The following TSHZ1 variants were observed in gnomAD, a reference collection of about 807,000 sequenced individuals.
TSHZ1 encodes the protein teashirt homolog 1.
In TSHZ1, 12 loss-of-function variants were observed where a neutral mutation model predicts 67.1. The observed-to-expected ratio is 0.18, with a 90% CI of 0.11 to 0.29. TSHZ1 has a LOEUF of 0.29. TSHZ1 is among the 10% of genes least tolerant of loss of function. The pLI is 1.00. For synonymous variants in TSHZ1, 632 were observed against 622.4 expected (o/e 1.02, Z -0.23); for missense variants, 1,305 against 1,413.9 (o/e 0.92, Z 1.23).
chr18:75,220,312 C>CT (rs1290907082), intron 1 of TSHZ1, among the ~76,000 whole-genome samples: 1 of 152,118 alleles, frequency 6.6e-6, no homozygotes, highest in Non-Finnish European at 1.5e-5. Context: ...TGAACCGACT[C>CT]TTTTTTTACA....
At chr18:75,278,748 T>C (rs1427453672) in intron 1 of TSHZ1, among the ~76,000 whole-genome samples, 2 of 152,124 alleles carry the variant, frequency 1.3e-5, no homozygotes, top group Non-Finnish European at 2.9e-5. Flanking sequence ...CCTCCAGTGC[T>C]GGCTGCTGGA....
intron 1 of TSHZ1, among the ~76,000 whole-genome samples, chr18:75,238,188 G>A (rs983800187): frequency 1.3e-5 from 2 of 152,174 alleles, no homozygotes; most frequent in South Asian, 2.1e-4. Flanking sequence ...AGCCTTGCAC[G>A]TGACAGATGG....
chr18:75,274,460 A>G (rs569577798), intron 1 of TSHZ1, among the ~76,000 whole-genome samples: 1 of 152,228 alleles, frequency 6.6e-6, no homozygotes, highest in Non-Finnish European at 1.5e-5. Context: ...CTTTTAGTCT[A>G]AAAGATTGTA....
chr18:75,260,130 G>A (rs1032835196), intron 1 of TSHZ1, among the ~76,000 whole-genome samples: 3 of 152,240 alleles, frequency 2.0e-5, no homozygotes. Context: ...ACGAATGAGG[G>A]CAGGCCTGGC....
At chr18:75,234,448 C>A (rs1183800885) in intron 1 of TSHZ1, among the ~76,000 whole-genome samples, 1 of 152,122 alleles carries the variant, frequency 6.6e-6, no homozygotes, top group African/African-American at 2.4e-5. Context: ...TAATATTTTG[C>A]AGCATTTTGT....
Position 75,217,073 on chromosome 18 carries a change from G to A in TSHZ1, c.40+5157G>A, listed in dbSNP as rs147008884. Among the ~76,000 whole-genome samples, 1,296 of 152,350 alleles carry A rather than the reference G, an allele frequency of 8.5e-3. 13 individuals are homozygous for A. Among genetic ancestry groups the A allele is most frequent in the Middle Eastern group, 0.017 (5 of 294 alleles). On this transcript the variant is annotated intron_variant, in intron 1 of 1. Coordinates refer to ENST00000580243, the MANE Select transcript of TSHZ1 (RefSeq NM_001308210.2). ...CATGCTTTAGCTGTGGTGGTGGAGAGGCCTGGGCAGGGGTTTGCCAAGAGT... is the reference window on the plus strand; with the variant it reads ...CATGCTTTAGCTGTGGTGGTGGAGAAGCCTGGGCAGGGGTTTGCCAAGAGT...
In TSHZ1 at chr18:75,288,599, C is replaced by T. The variant is rs2023819005; in HGVS notation, c.3192C>T (p.Pro1064=). The T allele has an allele frequency of 5.6e-6, 9 of 1,610,726 alleles. No homozygotes were observed. The highest frequency in any genetic ancestry group is 7.6e-6 in the Non-Finnish European group (9 of 1,178,494). ...LHLSKTHGKS[P]EDHLIYVTEL... ...TTAGTAAGACCCACGGCAAGTCTCCCGAGGACCACCTGATCTATGTGACTG... is the reference window on the plus strand; with the variant it reads ...TTAGTAAGACCCACGGCAAGTCTCCTGAGGACCACCTGATCTATGTGACTG... Residue 1064 remains proline, a synonymous_variant, in exon 2 of 2, where the codon CCC becomes CCT. Coordinates refer to ENST00000580243, the MANE Select transcript of TSHZ1 (RefSeq NM_001308210.2). The surrounding 1 kb of genome is among the most constrained non-coding windows in gnomAD (Gnocchi z 4.9).
chr18:75,250,712 G>A (rs1033348066), intron 1 of TSHZ1, among the ~76,000 whole-genome samples: 5 of 152,254 alleles, frequency 3.3e-5, no homozygotes, highest in East Asian at 3.8e-4. Flanking sequence ...CAGAGCTCGT[G>A]GGCCGGGCCT....
At chr18:75,216,001 TGGAAG>T (rs1290248099) in intron 1 of TSHZ1, among the ~76,000 whole-genome samples, 1 of 147,134 alleles carries the variant, frequency 6.8e-6, no homozygotes, top group Non-Finnish European at 1.5e-5. Flanking sequence ...GGGGGAGGGT[TGGAAG>T]GGGAGGGGGG....
intron 1 of TSHZ1, among the ~76,000 whole-genome samples, chr18:75,220,182 C>T (rs1339519645): frequency 2.0e-5 from 3 of 152,186 alleles, no homozygotes; most frequent in African/African-American, 7.2e-5. Flanking sequence ...AAACACTGTG[C>T]TCCATGTAGG....
intron 1 of TSHZ1, among the ~76,000 whole-genome samples, chr18:75,233,950 G>A (rs1228030953): frequency 2.0e-5 from 3 of 152,136 alleles, no homozygotes; most frequent in Non-Finnish European, 4.4e-5. Context: ...CCCTTTTGGT[G>A]ACTCGTATTT....
In TSHZ1 at chr18:75,287,259, A is replaced by C. The variant is rs892500202; in HGVS notation, c.1852A>C (p.Asn618His). The change falls in exon 2 of 2, where the codon AAC (asparagine) becomes CAC (histidine). Residue 618 changes from asparagine to histidine, a missense_variant. This residue lies in a region of TSHZ1 where 909 missense variants were observed against 961.8 expected (regional missense o/e 0.95). Coordinates refer to ENST00000580243, the MANE Select transcript of TSHZ1 (RefSeq NM_001308210.2). This position sits in a 1 kb window ranked among gnomAD's most constrained non-coding sequence, Gnocchi z 5.0. ...GVKSLSSAEH[N>H]ALLHSPGSLT... is the part of the protein sequence containing the mutation. ...GAAGTCGCTGTCTTCCGCCGAGCAC[A>C]ACGCCCTCCTGCACTCCCCAGGGAG... is the stretch of plus-strand genomic sequence containing the variant. 6.2e-7 allele frequency: 1 copy of C among 1,613,842 alleles called. No individual in the cohort carries two copies. The highest frequency in any genetic ancestry group is 1.3e-5 in the African/African-American group (1 of 74,906).
At chr18:75,283,014 C>T (rs751947094) in intron 1 of TSHZ1, 13 of 152,340 alleles carry the variant, frequency 8.5e-5, no homozygotes, top group African/African-American at 2.9e-4. Context: ...ATGAAACTCC[C>T]TTTCACAAAG....
At chr18:75,266,290 C>T (rs1444118043) in intron 1 of TSHZ1, among the ~76,000 whole-genome samples, 1 of 152,184 alleles carries the variant, frequency 6.6e-6, no homozygotes, top group Non-Finnish European at 1.5e-5. Flanking sequence ...AACAGTAGCT[C>T]TTTGAGGAAA....
intron 1 of TSHZ1, among the ~76,000 whole-genome samples, chr18:75,272,336 G>C (rs1051657784): frequency 6.6e-6 from 1 of 152,224 alleles, no homozygotes; most frequent in Non-Finnish European, 1.5e-5. Context: ...GGGAGGATGA[G>C]AGGGAAAGAG....
rs1303213417 is a variant in TSHZ1, at chr18:75,289,745, G to A, written c.*1104G>A. On this transcript the variant is annotated 3_prime_UTR_variant, in exon 2 of 2. Coordinates refer to ENST00000580243, the MANE Select transcript of TSHZ1 (RefSeq NM_001308210.2). ...TTGATTTAAATAGAGGACTTTTACT[G>A]GCACCTGCATCTCTCCAGATGCATG... 2 of 166,912 alleles carry A rather than the reference G, an allele frequency of 1.2e-5. No individual in the cohort carries two copies. Among genetic ancestry groups the A allele is most frequent in the Admixed American group, 1.3e-4 (2 of 15,272 alleles). 10.3% of individuals were successfully genotyped at this position (166,912 alleles called of 1,614,324 possible).
At chr18:75,280,812 C>G (rs1270839671) in intron 1 of TSHZ1, 2 of 985,310 alleles carry the variant, frequency 2.0e-6, no homozygotes, top group Non-Finnish European at 2.4e-6. Context: ...GGAGGACAGA[C>G]AGGTAACAGC....
intron 1 of TSHZ1, among the ~76,000 whole-genome samples, chr18:75,271,901 CATT>C (rs1232375581): frequency 2.0e-5 from 3 of 152,158 alleles, no homozygotes; most frequent in Non-Finnish European, 4.4e-5. Flanking sequence ...ACAGAGAGAA[CATT>C]ATTGAGCCCG....
chr18:75,232,338 A>G (rs1031428091), intron 1 of TSHZ1, among the ~76,000 whole-genome samples: 16 of 152,228 alleles, frequency 1.1e-4, no homozygotes, highest in African/African-American at 3.6e-4. Flanking sequence ...GCCAAATTTT[A>G]GGGGACTATG....
Sources: gnomAD v4.1 joint callset for allele counts (sites outside exome capture counted in the v4.1 genomes callset) on GRCh38, gnomAD v4.1.1 for gene constraint, gnomAD v4.1.1 regional missense constraint, Gnocchi (gnomAD v3.1) non-coding constraint, MANE v1.5 for transcripts, NCBI Gene and HGNC (gene_info 2026-07-23, HGNC 2026-07-21) for gene names.